Variants in TRUB1 observed in about 807,000 individuals in gnomAD.
The protein encoded by TRUB1 is pseudouridylate synthase TRUB1.
TRUB1 carries 23 observed loss-of-function variants against 33.9 expected under a neutral mutation model. That is an observed-to-expected ratio of 0.68 (90% CI 0.49 to 0.96). The LOEUF is 0.96. Among genes scored for constraint, TRUB1 ranks in the 40% least tolerant of loss-of-function variants. The probability of loss-of-function intolerance (pLI) is 0.00; values close to 1 mark genes in which losing one functional copy is unlikely to be tolerated. For missense variants in TRUB1, 378 were observed against 422.2 expected (o/e 0.90, Z 0.92); for synonymous variants, 163 against 165.4 (o/e 0.99, Z 0.11).
At chr10:114,961,283 CA>C (rs992292451) in intron 4 of TRUB1, among the ~76,000 whole-genome samples, 1 of 151,924 alleles carries the variant, frequency 6.6e-6, no homozygotes, top group African/African-American at 2.4e-5. Flanking sequence ...GTGGTAGAGA[CA>C]GAGTTTTCCT....
In TRUB1 at chr10:114,942,694, G is replaced by A. The variant is rs749346289; in HGVS notation, c.336G>A (p.Leu112=). ...GGACCAAGAGGAAAAAGCAGACTTT[G>A]AAAATTGGGCATGGAGGGACTCTAG... ...PEWTKRKKQT[L]KIGHGGTLDS... The change falls in exon 2 of 8, where the codon TTG becomes TTA. Residue 112 remains leucine, a synonymous_variant. Transcript: ENST00000298746. 2.3e-5 allele frequency: 37 copies of A among 1,613,980 alleles called. 1 individual carries two copies. In the South Asian group the frequency reaches 3.7e-4, roughly 16 times the overall value.
chr10:114,948,255 A>G (rs1412989637), intron 2 of TRUB1, among the ~76,000 whole-genome samples: 1 of 152,194 alleles, frequency 6.6e-6, no homozygotes, highest in Non-Finnish European at 1.5e-5. Context: ...TTTTTCTTTT[A>G]TAAGCTGCTC....
intron 1 of TRUB1, among the ~76,000 whole-genome samples, chr10:114,940,169 T>C (rs1432596777): frequency 6.6e-6 from 1 of 152,216 alleles, no homozygotes; most frequent in African/African-American, 2.4e-5. Context: ...TTGCCCAGGC[T>C]GGAGTGCAAT....
chr10:114,976,051 T>C lies in TRUB1; in HGVS notation c.*672T>C, dbSNP rs908990370. On this transcript the variant is annotated 3_prime_UTR_variant, in exon 8 of 8. Transcript: ENST00000298746. ...TTAATTAAAGTCACCTTCCTACCAT[T>C]AGAGCAGAAGACAGCTCCTATAGTT... 4 of 152,532 alleles carry C rather than the reference T, an allele frequency of 2.6e-5. No individual in the cohort carries two copies. The highest frequency in any genetic ancestry group is 2.0e-4 in the Admixed American group (3 of 15,254). 9.4% of individuals were successfully genotyped at this position (152,532 alleles called of 1,614,324 possible).
rs1234110986 is a variant in TRUB1 at position 114,938,550 on chromosome 10, C to T, written c.286+11C>T. The stretch of plus-strand genomic sequence containing the variant: ...AGAAGCTGCTGGCAGGTACTGCAGC[C>T]CGGGTGGGGACCAGGCTGAGGCGGT... On this transcript the variant is annotated intron_variant, in intron 1 of 7. Transcript: ENST00000298746. 1 of 1,519,944 alleles carries T rather than the reference C, an allele frequency of 6.6e-7. No individual in the cohort carries two copies. The highest frequency in any genetic ancestry group is 2.3e-5 in the East Asian group (1 of 43,878). The allele number at this position is 1,519,944 out of a possible 1,614,324, so 94.2% of individuals were successfully genotyped here. A position where few individuals can be genotyped will look rare whatever the true frequency, so the allele number is the denominator to read the frequency against.
At chr10:114,952,581 A>G (rs2084242072) in intron 3 of TRUB1, among the ~76,000 whole-genome samples, 1 of 152,212 alleles carries the variant, frequency 6.6e-6, no homozygotes. Flanking sequence ...CGGAGAACAT[A>G]TTGCATGTGA....
At chr10:114,951,050 T>G (rs1455017555) in intron 2 of TRUB1, 44 bp from the exon 3 acceptor site, 1 of 1,545,934 alleles carries the variant, frequency 6.5e-7, no homozygotes, top group South Asian at 1.2e-5. Flanking sequence ...AAAAACCTAG[T>G]TTTCAGAACA....
At chr10:114,948,296 CCTA>C (rs1379814058) in intron 2 of TRUB1, among the ~76,000 whole-genome samples, 1 of 152,170 alleles carries the variant, frequency 6.6e-6, no homozygotes. Context: ...TTGTAGAAGT[CCTA>C]CTGACCTTTC....
intron 4 of TRUB1, among the ~76,000 whole-genome samples, chr10:114,967,488 C>T (rs895915609): frequency 1.3e-5 from 2 of 152,082 alleles, no homozygotes; most frequent in African/African-American, 4.8e-5. Flanking sequence ...TGTGAGTTCA[C>T]TGGAAGAGTA....
At chr10:114,973,316 T>C (rs2143033789) in intron 6 of TRUB1, among the ~76,000 whole-genome samples, 1 of 152,276 alleles carries the variant, frequency 6.6e-6, no homozygotes, top group South Asian at 2.1e-4. Flanking sequence ...TTTTTCAGAT[T>C]GCATTTAAGT....
chr10:114,960,076 G>A (rs1327816063), intron 4 of TRUB1: 1 of 359,378 alleles, frequency 2.8e-6, no homozygotes, highest in South Asian at 4.9e-5. Context: ...GCAAAAGCAT[G>A]TATGGCTAGG....
At chr10:114,938,687 C>G in intron 1 of TRUB1, 148 bp downstream of exon 1, 1 of 953,844 alleles carries the variant, frequency 1.0e-6, no homozygotes, top group Non-Finnish European at 1.5e-6. Context: ...GAATCTCGGG[C>G]ATCTCGGGCT....
rs779737345 is a variant in TRUB1, at chr10:114,952,908, A to AT, written c.441+1768dup. 4.3e-4 allele frequency among the ~76,000 whole-genome samples: 65 copies of AT among 151,372 alleles called. 1 individual carries two copies. The highest frequency in any genetic ancestry group is 6.0e-4 in the Non-Finnish European group (41 of 67,820). On this transcript the variant is annotated intron_variant, in intron 3 of 7. Transcript: ENST00000298746. ...TTACTTTAATATGGGATTATGGATG[A>AT]TTTTTTTTTCACATTATTTGGTATT...
intron 4 of TRUB1, among the ~76,000 whole-genome samples, chr10:114,967,564 A>T (rs2084315519): frequency 6.6e-6 from 1 of 152,234 alleles, no homozygotes; most frequent in South Asian, 2.1e-4. Context: ...AAATGATTTT[A>T]AAAAATTAAT....
chr10:114,973,147 GA>G (rs1240663044), intron 6 of TRUB1, among the ~76,000 whole-genome samples: 1 of 150,730 alleles, frequency 6.6e-6, no homozygotes, highest in Non-Finnish European at 1.5e-5. Flanking sequence ...TGTACCATTA[GA>G]AAAAAAAAGT....
intron 6 of TRUB1, among the ~76,000 whole-genome samples, chr10:114,974,125 G>T (rs2084349462): frequency 6.6e-6 from 1 of 152,144 alleles, no homozygotes; most frequent in Admixed American, 6.6e-5. Flanking sequence ...ATGAGTTTGT[G>T]CTGTTTGCTT....
intron 2 of TRUB1, among the ~76,000 whole-genome samples, chr10:114,947,989 C>A (rs2084218226): frequency 6.6e-6 from 1 of 152,206 alleles, no homozygotes; most frequent in African/African-American, 2.4e-5. Context: ...AGAGTCCATG[C>A]CTGTCCTAAA....
chr10:114,959,996 T>C (rs979517440), intron 4 of TRUB1, 189 bp downstream of exon 4: 25 of 535,630 alleles, frequency 4.7e-5, no homozygotes, highest in African/African-American at 4.1e-4. Context: ...AATAAAGATT[T>C]ATTGTGATTG....
At chr10:114,972,419 C>A in intron 6 of TRUB1, 145 bp downstream of exon 6, 2 of 946,894 alleles carry the variant, frequency 2.1e-6, no homozygotes, top group Non-Finnish European at 3.1e-6. Flanking sequence ...TTCTTTATAC[C>A]TTTTTTGGTA....
Sources: allele counts gnomAD v4.1 joint callset (sites outside exome capture counted in the v4.1 genomes callset), GRCh38; gene constraint gnomAD v4.1.1; transcripts MANE v1.5; gene names NCBI Gene and HGNC (gene_info 2026-07-23, HGNC 2026-07-21).